ZNF83: variants seen among roughly 807,000 people sequenced by gnomAD.
ZNF83 encodes zinc finger protein 83, also known as zinc finger protein 816B.
For missense variants in ZNF83, 552 were observed against 629.9 expected, an observed-to-expected ratio of 0.88 and a Z score of 1.32; for synonymous variants, 209 against 213.0, an observed-to-expected ratio of 0.98 and a Z score of 0.17.
chr19:52,629,903 G>A (rs1273914689), intron 2 of ZNF83, among the ~76,000 whole-genome samples: 29 of 150,634 alleles, frequency 1.9e-4, no homozygotes, highest in African/African-American at 5.9e-4. Context: ...CCTTCAAGGT[G>A]TACAATAATA....
chr19:52,680,758 G>T (rs8102925), intron 1 of ZNF83, among the ~76,000 whole-genome samples: 7 of 137,090 alleles, frequency 5.1e-5, no homozygotes, highest in Non-Finnish European at 9.0e-5. Flanking sequence ...GACTACAGGC[G>T]CCCGCCACTA....
intron 1 of ZNF83, among the ~76,000 whole-genome samples, chr19:52,684,038 A>G (rs1176128952): frequency 1.3e-5 from 2 of 152,126 alleles, no homozygotes; most frequent in Admixed American, 1.3e-4. Flanking sequence ...GTTTGAGATT[A>G]GCCATGCCAA....
At chr19:52,687,577 T>G (rs2062054900) in intron 1 of ZNF83, among the ~76,000 whole-genome samples, 3 of 35,012 alleles carry the variant, frequency 8.6e-5, no homozygotes, top group African/African-American at 4.2e-4. Flanking sequence ...ATATATAAAT[T>G]TTATATATAT....
At chr19:52,625,225 G>C (rs1479565348) in intron 2 of ZNF83, among the ~76,000 whole-genome samples, 1 of 151,922 alleles carries the variant, frequency 6.6e-6, no homozygotes, top group Non-Finnish European at 1.5e-5. Context: ...CTAAACTCAG[G>C]CCCTCACTCT....
intron 1 of ZNF83, among the ~76,000 whole-genome samples, chr19:52,683,422 G>A (rs1334921623): frequency 6.6e-6 from 1 of 151,822 alleles, no homozygotes; most frequent in Non-Finnish European, 1.5e-5. Context: ...TGAAGTCACG[G>A]AGCCTCCAGC....
At chr19:52,679,958 A>G (rs1050884119) in intron 1 of ZNF83, among the ~76,000 whole-genome samples, 3 of 152,126 alleles carry the variant, frequency 2.0e-5, no homozygotes, top group African/African-American at 4.8e-5. Flanking sequence ...AGGCGGGTGG[A>G]TCACCTGAGG....
intron 1 of ZNF83, among the ~76,000 whole-genome samples, chr19:52,681,581 T>C (rs2061922052): frequency 6.6e-6 from 1 of 152,208 alleles, no homozygotes; most frequent in African/African-American, 2.4e-5. Context: ...AAGAAAGATC[T>C]GTACTTGGAG....
chr19:52,614,591 T>G, exon 3 of ZNF83: 6 of 1,552,918 alleles, frequency 3.9e-6, no homozygotes, highest in Non-Finnish European at 5.2e-6. Flanking sequence ...AGACTTTCCT[T>G]ATAGGTCACA....
intron 3 of ZNF83, chr19:52,654,094 A>T: frequency 4.4e-6 from 7 of 1,603,536 alleles, no homozygotes; most frequent in Non-Finnish European, 6.0e-6. Context: ...AAATTCGTGC[A>T]GTTCAGGCAG....
intron 1 of ZNF83, 135 bp from the exon 2 acceptor site, chr19:52,635,288 A>C (rs2061108843): frequency 4.4e-6 from 2 of 452,598 alleles, no homozygotes; most frequent in South Asian, 5.5e-5. Flanking sequence ...AGAGACGATA[A>C]ACTCCTACAG....
chr19:52,651,664 C>T (rs1423076795), intron 3 of ZNF83: 3 of 99,872 alleles, frequency 3.0e-5, no homozygotes, highest in African/African-American at 1.2e-4. Flanking sequence ...GCTTGGGCGA[C>T]AAGAGAAAGA....
intron 2 of ZNF83, chr19:52,617,404 A>C (rs2060350096): frequency 6.6e-6 from 1 of 152,078 alleles, no homozygotes. Context: ...GTGGATATTG[A>C]GGTGGTCAGA....
chr19:52,652,798 TC>T lies in ZNF83; in HGVS notation c.-74+2762del, dbSNP rs568098551. On this transcript the variant is annotated intron_variant, in intron 3 of 5. Coordinates refer to the ZNF83 transcript ENST00000594682. Reference sequence around the variant, plus strand: ...CTGCCCACTAAAGGCTTTGCCACACTCATTGCACTTATAAGGATTTTCTCCA... The same window carrying T: ...CTGCCCACTAAAGGCTTTGCCACACTATTGCACTTATAAGGATTTTCTCCA... 6.0e-4 allele frequency: 528 copies of T among 883,544 alleles called. 2 individuals carry two copies. In the African/African-American group the frequency reaches 6.9e-3, roughly 11 times the overall value. 54.7% of individuals were successfully genotyped at this position (883,544 alleles called of 1,614,324 possible).
chr19:52,642,130 G>A (rs1457662147), upstream of ZNF83, among the ~76,000 whole-genome samples: 1 of 152,110 alleles, frequency 6.6e-6, no homozygotes, highest in African/African-American at 2.4e-5. Flanking sequence ...TGACTCAGGT[G>A]TACAGAGGGA....
intron 1 of ZNF83, among the ~76,000 whole-genome samples, chr19:52,672,207 C>T (rs2061735734): frequency 6.6e-6 from 1 of 152,004 alleles, no homozygotes; most frequent in African/African-American, 2.4e-5. Flanking sequence ...GCTCTCCAGC[C>T]TGAGCAAAAG....
intron 1 of ZNF83, among the ~76,000 whole-genome samples, chr19:52,677,305 G>GT (rs1288653614): frequency 6.7e-5 from 6 of 89,294 alleles, no homozygotes; most frequent in East Asian, 3.7e-4. Context: ...AAATTGAGAA[G>GT]TAAAAAAAAA....
At chr19:52,661,646 T>G (rs1317935744) in intron 1 of ZNF83, among the ~76,000 whole-genome samples, 2 of 152,140 alleles carry the variant, frequency 1.3e-5, no homozygotes, top group African/African-American at 4.8e-5. Context: ...AGGGTTGAGC[T>G]CCACTCAGAG....
chr19:52,662,697 C>G (rs527463051), intron 1 of ZNF83, among the ~76,000 whole-genome samples: 14 of 152,098 alleles, frequency 9.2e-5, no homozygotes, highest in Admixed American at 3.3e-4. Flanking sequence ...CTGAGCTTTT[C>G]TTGTCTTATT....
rs375131335 is a variant in ZNF83, at chr19:52,687,453, A to AT, written c.-283+2989_-283+2990insA. Among the ~76,000 whole-genome samples, 2 of 17,598 alleles carry AT rather than the reference A, an allele frequency of 1.1e-4. 1 individual carries two copies. Among genetic ancestry groups the AT allele is most frequent in the Non-Finnish European group, 2.2e-4 (2 of 8,920 alleles). 11.5% of individuals were successfully genotyped at this position (17,598 alleles called of 152,430 possible). On this transcript the variant is annotated intron_variant, in intron 1 of 5. Transcript: ENST00000594682. ...TAATTTATATAGCTATATAAATTAT[A>AT]ATATAAATTATAATTTATATATCTA...
Sources: gnomAD v4.1 joint callset for allele counts (sites outside exome capture counted in the v4.1 genomes callset) on GRCh38, gnomAD v4.1.1 for gene constraint, MANE v1.5 for transcripts, NCBI Gene and HGNC (gene_info 2026-07-23, HGNC 2026-07-21) for gene names.